The following BRINP3 variants were observed in gnomAD, a reference collection of about 807,000 sequenced individuals.
The protein encoded by BRINP3 is BMP/retinoic acid-inducible neural-specific protein 3.
In BRINP3, 19 loss-of-function variants were observed where a neutral mutation model predicts 71.0. That is an observed-to-expected ratio of 0.27 (90% CI 0.19 to 0.39). The LOEUF is 0.39. Among genes scored for constraint, BRINP3 ranks in the 10% least tolerant of loss-of-function variants. BRINP3 has a pLI of 1.00. For synonymous variants in BRINP3, 380 were observed against 337.7 expected, an observed-to-expected ratio of 1.13 and a Z score of -1.37; for missense variants, 959 against 940.8, an observed-to-expected ratio of 1.02 and a Z score of -0.25.
intron 4 of BRINP3, among the ~76,000 whole-genome samples, chr1:190,261,502 C>T (rs1022752683): frequency 2.0e-5 from 3 of 151,966 alleles, no homozygotes; most frequent in African/African-American, 7.2e-5. Flanking sequence ...TTGCTTTATT[C>T]CACTTTCTAG....
intron 2 of BRINP3, among the ~76,000 whole-genome samples, chr1:190,393,506 A>G (rs1671382982): frequency 6.6e-6 from 1 of 151,550 alleles, no homozygotes; most frequent in African/African-American, 2.4e-5. Flanking sequence ...TTCAGAATCT[A>G]TTTCTGTGAT....
chr1:190,234,628 T>A (rs1658343471), intron 4 of BRINP3, 151 bp from the exon 5 acceptor site: 1 of 486,160 alleles, frequency 2.1e-6, no homozygotes, highest in Non-Finnish European at 3.7e-6. Context: ...TACACCCACC[T>A]AAACATAGCG....
intron 7 of BRINP3, among the ~76,000 whole-genome samples, chr1:190,100,097 T>C (rs74426314): frequency 3.4e-3 from 523 of 152,184 alleles, no homozygotes; most frequent in African/African-American, 0.012. Flanking sequence ...ATATGAAAAA[T>C]GGGAATAGTA....
chr1:190,454,616 G>T, intron 2 of BRINP3, 39 bp downstream of exon 2: 1 of 1,545,496 alleles, frequency 6.5e-7, no homozygotes, highest in East Asian at 2.3e-5. Context: ...CAACCTTCAA[G>T]GATGATATTT....
chr1:190,368,865 T>C (rs949020056), intron 2 of BRINP3, among the ~76,000 whole-genome samples: 5 of 152,200 alleles, frequency 3.3e-5, no homozygotes, highest in African/African-American at 1.2e-4. Flanking sequence ...TTAGAAGGTT[T>C]ATAAGCTCTG....
chr1:190,283,807 C>A (rs998603987), intron 2 of BRINP3, among the ~76,000 whole-genome samples: 1 of 151,392 alleles, frequency 6.6e-6, no homozygotes, highest in Admixed American at 6.6e-5. Context: ...ATAATAGTTG[C>A]TCATTAATTC....
chr1:190,418,264 T>G (rs1673135816), intron 2 of BRINP3, among the ~76,000 whole-genome samples: 1 of 152,116 alleles, frequency 6.6e-6, no homozygotes. Context: ...TTGCCCAGGC[T>G]GGTCTCGGAC....
chr1:190,153,388 G>A (rs1169162772), intron 7 of BRINP3, among the ~76,000 whole-genome samples: 2 of 151,978 alleles, frequency 1.3e-5, no homozygotes, highest in South Asian at 2.1e-4. Context: ...TTTTTGAAAT[G>A]GAAAGTACTT....
At chr1:190,156,573 G>A (rs1558016632) in intron 7 of BRINP3, among the ~76,000 whole-genome samples, 1 of 151,648 alleles carries the variant, frequency 6.6e-6, no homozygotes, top group Non-Finnish European at 1.5e-5. Context: ...GAAAAAAAGA[G>A]AGATAGAAAC....
intron 2 of BRINP3, among the ~76,000 whole-genome samples, chr1:190,432,579 G>C (rs919143539): frequency 6.6e-6 from 1 of 152,102 alleles, no homozygotes; most frequent in Non-Finnish European, 1.5e-5. Context: ...GCATTTCGGG[G>C]CTGATACTTT....
At chr1:190,127,606 A>T (rs922105477) in intron 7 of BRINP3, among the ~76,000 whole-genome samples, 1 of 151,876 alleles carries the variant, frequency 6.6e-6, no homozygotes, top group African/African-American at 2.4e-5. Flanking sequence ...CACACATCAA[A>T]CTAACCGTCA....
intron 6 of BRINP3, among the ~76,000 whole-genome samples, chr1:190,215,543 A>G (rs1023271680): frequency 5.3e-5 from 8 of 152,002 alleles, no homozygotes; most frequent in South Asian, 2.1e-4. Flanking sequence ...GAAAATTAAT[A>G]GTTTACATAA....
intron 2 of BRINP3, among the ~76,000 whole-genome samples, chr1:190,398,217 A>G (rs770611116): frequency 6.6e-6 from 1 of 151,948 alleles, no homozygotes; most frequent in Non-Finnish European, 1.5e-5. Context: ...TTGAGTAAAA[A>G]GGAGTTGTAC....
At chr1:190,255,237 T>TC (rs1491150575) in intron 4 of BRINP3, among the ~76,000 whole-genome samples, 12 of 98,522 alleles carry the variant, frequency 1.2e-4, no homozygotes, top group African/African-American at 4.0e-4. Context: ...AAATTCTCTC[T>TC]TTTTTTTTTT....
intron 2 of BRINP3, among the ~76,000 whole-genome samples, chr1:190,297,675 G>T (rs1156888018): frequency 1.3e-5 from 2 of 151,372 alleles, no homozygotes; most frequent in Non-Finnish European, 2.9e-5. Context: ...TCATATTATG[G>T]ATTATTCTAA....
intron 4 of BRINP3, among the ~76,000 whole-genome samples, chr1:190,259,036 A>G (rs951763826): frequency 2.0e-4 from 31 of 152,158 alleles, no homozygotes; most frequent in Non-Finnish European, 4.1e-4. Context: ...GTTCACATCT[A>G]GATGGTTTCA....
At chr1:190,357,953 C>T (rs1668847466) in intron 2 of BRINP3, among the ~76,000 whole-genome samples, 1 of 151,224 alleles carries the variant, frequency 6.6e-6, no homozygotes, top group Non-Finnish European at 1.5e-5. Flanking sequence ...AACTGGCTAG[C>T]CATATGGAGA....
At chr1:190,309,244 G>A (rs987857832) in intron 2 of BRINP3, among the ~76,000 whole-genome samples, 4 of 151,764 alleles carry the variant, frequency 2.6e-5, no homozygotes, top group African/African-American at 9.7e-5. Context: ...GTTGTTTAGA[G>A]TACCCCAAAA....
chr1:190,264,996 T>C lies in BRINP3; in HGVS notation c.487A>G (p.Ser163Gly), dbSNP rs139421105. Residue 163 changes from serine to glycine, a missense_variant, in exon 4 of 8, where the codon AGT becomes GGT. Ser to Gly is a moderately conservative substitution (Grantham distance 56). Coordinates refer to ENST00000367462, the MANE Select transcript of BRINP3 (RefSeq NM_199051.3). ...GAAGAGCTATTGGTGGTGGAATCAC[T>C]TCCTTCAGCTCGTTTGCTCAACTTC... ...KRKLSKRAEGSDSTTNSSSVT... is the reference protein window; with the variant it reads ...KRKLSKRAEGGDSTTNSSSVT... The C allele has an allele frequency of 1.6e-4, 257 of 1,611,734 alleles. 1 individual carries two copies. Among genetic ancestry groups the C allele is most frequent in the Admixed American group, 1.7e-4 (10 of 59,504 alleles).
Sources: allele counts gnomAD v4.1 joint callset (sites outside exome capture counted in the v4.1 genomes callset), GRCh38; gene constraint gnomAD v4.1.1; transcripts MANE v1.5; gene names NCBI Gene and HGNC (gene_info 2026-07-23, HGNC 2026-07-21).